Variants in ROBO1 observed in about 807,000 individuals in gnomAD.
ROBO1 encodes roundabout guidance receptor 1, also known as roundabout homolog 1.
A neutral mutation model predicts 195.9 loss-of-function variants in ROBO1; 149 were observed. That is an observed-to-expected ratio of 0.76 (90% confidence interval 0.67 to 0.87). ROBO1 has a LOEUF of 0.87. Ranked by LOEUF, ROBO1 falls within the 40% of genes least tolerant of loss-of-function variation. ROBO1 has a pLI of 0.00. For missense variants in ROBO1, 1,933 were observed against 2,068.3 expected, an observed-to-expected ratio of 0.93 and a Z score of 1.27; for synonymous variants, 816 against 733.2, an observed-to-expected ratio of 1.11 and a Z score of -1.82.
intron 11 of ROBO1, among the ~76,000 whole-genome samples, chr3:78,669,854 A>G (rs1707960561): frequency 6.6e-6 from 1 of 152,246 alleles, no homozygotes; most frequent in Non-Finnish European, 1.5e-5. Context: ...GTAGGTTCTT[A>G]GAAATCCTTT....
At chr3:79,174,520 A>G (rs1265343531) in intron 2 of ROBO1, among the ~76,000 whole-genome samples, 1 of 152,104 alleles carries the variant, frequency 6.6e-6, no homozygotes, top group African/African-American at 2.4e-5. Context: ...GAACCCACCA[A>G]TTCCGGACAC....
At chr3:78,862,254 G>A (rs1433817388) in intron 4 of ROBO1, among the ~76,000 whole-genome samples, 1 of 151,964 alleles carries the variant, frequency 6.6e-6, no homozygotes, top group East Asian at 1.9e-4. Context: ...AGCAAGAGAA[G>A]GCATAAAGGC....
chr3:79,712,711 C>A (rs1452190416), intron 1 of ROBO1, among the ~76,000 whole-genome samples: 7 of 152,090 alleles, frequency 4.6e-5, no homozygotes, highest in African/African-American at 1.7e-4. Context: ...CTAGGACTTT[C>A]ATAGCTAGAG....
intron 4 of ROBO1, among the ~76,000 whole-genome samples, chr3:78,789,615 C>T (rs1404164283): frequency 6.6e-6 from 1 of 152,096 alleles, no homozygotes; most frequent in African/African-American, 2.4e-5. Flanking sequence ...GAATGATCTA[C>T]TCTTTACCTT....
intron 2 of ROBO1, among the ~76,000 whole-genome samples, chr3:79,269,895 T>C (rs114592955): frequency 1.7e-3 from 258 of 151,912 alleles, no homozygotes; most frequent in African/African-American, 6.0e-3. Context: ...CGGTGTACCA[T>C]CCTGGTTAGG....
In ROBO1 at chr3:79,195,585, T is replaced by C. The variant is rs142728720; in HGVS notation, c.89-70046A>G. Among the ~76,000 whole-genome samples the C allele has an allele frequency of 3.0e-3, 453 of 151,684 alleles. 1 individual carries two copies. The highest frequency in any genetic ancestry group is 0.01 in the African/African-American group (433 of 41,478). ...CTTGATTATAAAAAAGAAGGACTTG[T>C]ATAATGAAAAATATTTTCAATAAGC... is the stretch of plus-strand genomic sequence containing the variant. On this transcript the variant is annotated intron_variant, in intron 2 of 30. Transcript: ENST00000464233.
At chr3:78,652,660 C>T (rs1706746317) in intron 18 of ROBO1, among the ~76,000 whole-genome samples, 1 of 152,034 alleles carries the variant, frequency 6.6e-6, no homozygotes, top group South Asian at 2.1e-4. Flanking sequence ...TGGCGAGCAA[C>T]AGATAAAATA....
At chr3:79,206,013 C>T (rs538451773) in intron 2 of ROBO1, among the ~76,000 whole-genome samples, 2 of 152,224 alleles carry the variant, frequency 1.3e-5, no homozygotes, top group African/African-American at 4.8e-5. Flanking sequence ...TTTCAGTTAC[C>T]TGTGGCCAAT....
At chr3:78,638,129 AAAAC>A (rs551225140) in intron 22 of ROBO1, among the ~76,000 whole-genome samples, 17 of 151,540 alleles carry the variant, frequency 1.1e-4, no homozygotes, top group Non-Finnish European at 1.8e-4. Flanking sequence ...TCTGACTCAA[AAAAC>A]AAACAATAGA....
At chr3:79,488,623 C>A (rs7615149) in intron 2 of ROBO1, among the ~76,000 whole-genome samples, 111,710 of 152,058 alleles carry the variant, frequency 0.73, 41,824 homozygotes, top group African/African-American at 0.89. Context: ...GCTGTCTCAG[C>A]ATTATACCAT....
At chr3:79,035,171 A>G (rs1311062716) in intron 3 of ROBO1, among the ~76,000 whole-genome samples, 1 of 152,074 alleles carries the variant, frequency 6.6e-6, no homozygotes, top group African/African-American at 2.4e-5. Flanking sequence ...ATTGAAAAAT[A>G]TAAAATGAGT....
At chr3:78,922,321 C>G (rs2038980654) in intron 4 of ROBO1, among the ~76,000 whole-genome samples, 1 of 151,878 alleles carries the variant, frequency 6.6e-6, no homozygotes, top group Admixed American at 6.6e-5. Context: ...GGCTTCATTT[C>G]TGCCAAAAAT....
chr3:79,108,838 C>T (rs1156439753), intron 3 of ROBO1, among the ~76,000 whole-genome samples: 8 of 151,760 alleles, frequency 5.3e-5, no homozygotes, highest in Non-Finnish European at 8.9e-5. Context: ...TGTGCATCTC[C>T]ACCAGTTCTT....
At chr3:78,710,267 C>T (rs1467066017) in intron 8 of ROBO1, among the ~76,000 whole-genome samples, 14 of 152,028 alleles carry the variant, frequency 9.2e-5, no homozygotes, top group Non-Finnish European at 1.5e-5. Context: ...GAGATGGAGC[C>T]ATGAACTCCT....
intron 14 of ROBO1, 41 bp from the exon 15 acceptor site, chr3:78,662,155 G>A (rs1187963077): frequency 7.2e-6 from 11 of 1,532,616 alleles, no homozygotes; most frequent in African/African-American, 4.2e-5. Context: ...TCTGCACAAC[G>A]TTACTGAACG....
chr3:79,757,059 A>C (rs1704446799), intron 1 of ROBO1, among the ~76,000 whole-genome samples: 1 of 152,110 alleles, frequency 6.6e-6, no homozygotes. Flanking sequence ...TTATTCATTC[A>C]TTCATCCATA....
At chr3:78,686,850 T>C (rs990737700) in intron 9 of ROBO1, among the ~76,000 whole-genome samples, 3 of 152,172 alleles carry the variant, frequency 2.0e-5, no homozygotes, top group Non-Finnish European at 2.9e-5. Context: ...ATATCTGTTA[T>C]GTATTTTCTA....
chr3:79,752,908 A>G (rs1704198631), intron 1 of ROBO1, among the ~76,000 whole-genome samples: 1 of 152,188 alleles, frequency 6.6e-6, no homozygotes, highest in South Asian at 2.1e-4. Context: ...TTAAGTCTAC[A>G]GGCTTAATTT....
intron 28 of ROBO1, among the ~76,000 whole-genome samples, chr3:78,609,643 A>G (rs143648866): frequency 1.3e-5 from 2 of 152,112 alleles, no homozygotes; most frequent in Non-Finnish European, 2.9e-5. Flanking sequence ...CTACATCACT[A>G]TTTTTTAGCC....
Sources: gnomAD v4.1 joint callset for allele counts (sites outside exome capture counted in the v4.1 genomes callset) on GRCh38, gnomAD v4.1.1 for gene constraint, MANE v1.5 for transcripts, NCBI Gene and HGNC (gene_info 2026-07-23, HGNC 2026-07-21) for gene names.